The following CEP70 variants were observed in gnomAD, a reference collection of about 807,000 sequenced individuals.
CEP70 encodes centrosomal protein 70.
In CEP70, 70 loss-of-function variants were observed where a neutral mutation model predicts 90.9. The ratio of observed to expected loss-of-function variants is 0.77; its 90% CI spans 0.64 to 0.94. CEP70 has a LOEUF of 0.94. Among genes scored for constraint, CEP70 ranks in the 40% least tolerant of loss-of-function variants. CEP70 has a pLI of 0.00. For missense variants in CEP70, 648 were observed against 669.0 expected, an observed-to-expected ratio of 0.97 and a Z score of 0.35; for synonymous variants, 220 against 228.3, an observed-to-expected ratio of 0.96 and a Z score of 0.33.
intron 11 of CEP70, among the ~76,000 whole-genome samples, chr3:138,509,879 A>T (rs983847352): frequency 6.6e-6 from 1 of 152,116 alleles, no homozygotes; most frequent in African/African-American, 2.4e-5. Context: ...TGGGTACCAC[A>T]GTGCTTATGT....
chr3:138,556,934 G>C (rs1421983026), intron 6 of CEP70, among the ~76,000 whole-genome samples: 1 of 152,132 alleles, frequency 6.6e-6, no homozygotes, highest in Non-Finnish European at 1.5e-5. Context: ...TCAGAAGACA[G>C]GGTTTGAGAG....
intron 6 of CEP70, among the ~76,000 whole-genome samples, chr3:138,558,519 A>C (rs1034074420): frequency 1.3e-5 from 2 of 152,218 alleles, no homozygotes; most frequent in Non-Finnish European, 2.9e-5. Flanking sequence ...ATGAAACAAA[A>C]ATTAGACACA....
chr3:138,580,716 C>A (rs2041808519), intron 2 of CEP70, among the ~76,000 whole-genome samples: 2 of 151,976 alleles, frequency 1.3e-5, no homozygotes, highest in African/African-American at 4.8e-5. Flanking sequence ...AGATATGTGA[C>A]CTTTCAGATA....
chr3:138,586,188 C>T (rs1300674695), intron 2 of CEP70, among the ~76,000 whole-genome samples: 5 of 151,924 alleles, frequency 3.3e-5, no homozygotes, highest in Non-Finnish European at 7.4e-5. Flanking sequence ...TTTTGAGTCT[C>T]ACTCTGTCGC....
At chr3:138,533,779 TG>T (rs1230836914) in intron 7 of CEP70, among the ~76,000 whole-genome samples, 2 of 152,088 alleles carry the variant, frequency 1.3e-5, no homozygotes, top group African/African-American at 4.8e-5. Context: ...TTTTATTTTT[TG>T]TTTTTTTTTG....
At position 138,574,201 on chromosome 3, in the gene CEP70, G is replaced by A. The variant is rs546216680; in HGVS notation, c.-5-1269C>T. On this transcript the variant is annotated intron_variant, in intron 2 of 17. Coordinates refer to ENST00000264982, the MANE Select transcript of CEP70 (RefSeq NM_024491.4). Reference sequence around the variant, plus strand: ...CCCATTCCTAGCCAAAGGAAGCCGTGACAGACTGTACCAGGAAAATCCAGA... The same window carrying A: ...CCCATTCCTAGCCAAAGGAAGCCGTAACAGACTGTACCAGGAAAATCCAGA... Among the ~76,000 whole-genome samples the A allele has an allele frequency of 4.6e-4, 70 of 152,326 alleles. 1 individual carries two copies. Among genetic ancestry groups the A allele is most frequent in the Admixed American group, 3.9e-3 (60 of 15,304 alleles).
intron 2 of CEP70, among the ~76,000 whole-genome samples, chr3:138,575,104 G>A (rs941784373): frequency 6.6e-6 from 1 of 152,184 alleles, no homozygotes; most frequent in African/African-American, 2.4e-5. Context: ...GAATGACTTT[G>A]ACGAGTTGAC....
At chr3:138,508,381 G>A in intron 12 of CEP70, 58 bp downstream of exon 12, 1 of 1,095,752 alleles carries the variant, frequency 9.1e-7, no homozygotes. Flanking sequence ...CACCACAACT[G>A]ATAACCAAGA....
chr3:138,521,694 C>T lies in CEP70; in HGVS notation c.944+3796G>A, dbSNP rs367639180. ...GAGGAGCGCCTCTGCCCGGCCGCCC[C>T]GTCTCGGGGGGTGGGGAGACCCTCT... On this transcript the variant is annotated intron_variant, in intron 11 of 17. Coordinates refer to ENST00000264982, the MANE Select transcript of CEP70 (RefSeq NM_024491.4). 4.8e-3 allele frequency among the ~76,000 whole-genome samples: 705 copies of T among 148,004 alleles called. 4 individuals are homozygous for T. Among genetic ancestry groups the T allele is most frequent in the African/African-American group, 0.017 (679 of 40,040 alleles).
chr3:138,554,945 C>T (rs1354359998), intron 6 of CEP70, among the ~76,000 whole-genome samples: 12 of 152,116 alleles, frequency 7.9e-5, no homozygotes, highest in Non-Finnish European at 1.8e-4. Flanking sequence ...TGATCCTCAT[C>T]TCTGACCTTA....
chr3:138,551,680 AG>A (rs2107955079), intron 6 of CEP70, among the ~76,000 whole-genome samples: 1 of 149,436 alleles, frequency 6.7e-6, no homozygotes, highest in East Asian at 2.1e-4. Flanking sequence ...CAGGAGGCAG[AG>A]GTTGCAGTGA....
chr3:138,496,442 G>A (rs1025819230), intron 17 of CEP70: 2 of 984,998 alleles, frequency 2.0e-6, no homozygotes, highest in Middle Eastern at 5.2e-4. Context: ...CCCTTACATT[G>A]TGGTAAGGTA....
intron 2 of CEP70, among the ~76,000 whole-genome samples, chr3:138,589,915 A>C (rs1049196127): frequency 6.6e-6 from 1 of 152,198 alleles, no homozygotes; most frequent in African/African-American, 2.4e-5. Context: ...TTACTTCCCG[A>C]GGAATCTAAC....
chr3:138,560,983 AGAGCAGCAGATCTCCTAGCACGTTC>A (rs1329538875), intron 6 of CEP70, among the ~76,000 whole-genome samples: 2 of 152,182 alleles, frequency 1.3e-5, no homozygotes, highest in African/African-American at 4.8e-5. Context: ...GGCTCTGAAG[AGAGCAGCAGATCTCCTAGCACGTTC>A]GAGCAGCAGA....
At chr3:138,498,749 A>AT (rs2034193232) in intron 16 of CEP70, among the ~76,000 whole-genome samples, 1 of 152,062 alleles carries the variant, frequency 6.6e-6, no homozygotes, top group Admixed American at 6.5e-5. Context: ...CCTATTAAAC[A>AT]TTAAGAAAAA....
intron 6 of CEP70, among the ~76,000 whole-genome samples, chr3:138,550,868 G>C (rs1247874211): frequency 6.6e-6 from 1 of 152,136 alleles, no homozygotes; most frequent in Non-Finnish European, 1.5e-5. Context: ...AAGAAGTTTG[G>C]GATTATGTTA....
chr3:138,551,353 C>T (rs1024695705), intron 6 of CEP70, among the ~76,000 whole-genome samples: 1 of 152,202 alleles, frequency 6.6e-6, no homozygotes, highest in Admixed American at 6.5e-5. Context: ...ACAAGAACTA[C>T]TAAAAGAGCT....
At chr3:138,531,099 A>T (rs758194150) in intron 8 of CEP70, among the ~76,000 whole-genome samples, 4 of 152,164 alleles carry the variant, frequency 2.6e-5, no homozygotes, top group Non-Finnish European at 5.9e-5. Flanking sequence ...AAAATACTTT[A>T]CTTCAGCTAG....
At chr3:138,535,524 T>C (rs183420179) in intron 7 of CEP70, among the ~76,000 whole-genome samples, 53 of 152,324 alleles carry the variant, frequency 3.5e-4, no homozygotes, top group African/African-American at 1.3e-3. Flanking sequence ...CTTAGCCCAG[T>C]ACCCGTGTAA....
Sources: allele counts gnomAD v4.1 joint callset (sites outside exome capture counted in the v4.1 genomes callset), GRCh38; gene constraint gnomAD v4.1.1; transcripts MANE v1.5; gene names NCBI Gene and HGNC (gene_info 2026-07-23, HGNC 2026-07-21).